The following EPB41L4A variants were observed in gnomAD, a reference collection of about 807,000 sequenced individuals.
The protein encoded by EPB41L4A is band 4.1-like protein 4A.
In EPB41L4A, 100 loss-of-function variants were observed where a neutral mutation model predicts 108.6. The observed-to-expected ratio is 0.92, with a 90% CI of 0.78 to 1.09. EPB41L4A has a LOEUF of 1.09. Ranked by LOEUF, EPB41L4A falls within the 50% of genes least tolerant of loss-of-function variation. The pLI is 0.00. For synonymous variants in EPB41L4A, 319 were observed against 289.0 expected, an observed-to-expected ratio of 1.10 and a Z score of -1.05; for missense variants, 1,030 against 842.7, an observed-to-expected ratio of 1.22 and a Z score of -2.75.
At chr5:112,231,543 T>A (rs1439070088) in intron 12 of EPB41L4A, among the ~76,000 whole-genome samples, 1 of 147,374 alleles carries the variant, frequency 6.8e-6, no homozygotes, top group Non-Finnish European at 1.5e-5. Context: ...CCCAGCACTT[T>A]GGGAGGCCGA....
At chr5:112,348,560 G>A (rs934610810) in intron 1 of EPB41L4A, among the ~76,000 whole-genome samples, 1 of 152,110 alleles carries the variant, frequency 6.6e-6, no homozygotes, top group Non-Finnish European at 1.5e-5. Flanking sequence ...AGGGGAAGGG[G>A]AAACTCACAT....
At position 112,205,416 on chromosome 5, in the gene EPB41L4A, T is replaced by A. The variant is rs375260549; in HGVS notation, c.1262+5A>T. The A allele has an allele frequency of 1.9e-6, 3 of 1,610,966 alleles. No homozygotes were observed. The African/African-American group carries it at 4.0e-5, about 22-fold the overall frequency. On this transcript the variant is annotated splice_donor_5th_base_variant and intron_variant, in intron 14 of 22. Transcript: ENST00000261486. ...CTCCTTTATAAAAACAATGATTCCCTTTACCTCTGGGGGCCATTTTCTTCC... is the reference window on the plus strand; with the variant it reads ...CTCCTTTATAAAAACAATGATTCCCATTACCTCTGGGGGCCATTTTCTTCC...
chr5:112,234,627 G>T lies in EPB41L4A; in HGVS notation c.1087+7C>A. 1 of 1,612,166 alleles carries T rather than the reference G, an allele frequency of 6.2e-7. No homozygotes were observed. Among genetic ancestry groups the T allele is most frequent in the South Asian group, 1.1e-5 (1 of 90,790 alleles). ...TACATAGATAACTCAGGGGAACCAT[G>T]ACTTACCAGCTGGCTGTGTTTGTGC... On this transcript the variant is annotated splice_region_variant and intron_variant, in intron 12 of 22. Transcript: ENST00000261486.
chr5:112,361,498 C>T lies in EPB41L4A; in HGVS notation c.100-54008G>A, dbSNP rs191876259. Among the ~76,000 whole-genome samples the T allele has an allele frequency of 4.4e-4, 64 of 144,456 alleles. No homozygotes were observed. The East Asian group carries it at 0.013, about 29-fold the overall frequency. The allele number at this position is 144,456 out of a possible 152,430, so 94.8% of individuals were successfully genotyped here. The stretch of plus-strand genomic sequence containing the variant: ...CTGCCAAATCCCCCTCTCCGAGAAA[C>T]ACCCAAGAATGATCAATAAATACTT... On this transcript the variant is annotated intron_variant, in intron 1 of 22. Coordinates refer to ENST00000261486, the MANE Select transcript of EPB41L4A (RefSeq NM_022140.5).
intron 1 of EPB41L4A, among the ~76,000 whole-genome samples, chr5:112,322,972 T>A: frequency 8.2e-6 from 1 of 121,678 alleles, no homozygotes. Context: ...TTCAAGAAGA[T>A]ACAATTAGAA....
At chr5:112,358,095 T>C (rs112034470) in intron 1 of EPB41L4A, among the ~76,000 whole-genome samples, 7,218 of 152,264 alleles carry the variant, frequency 0.047, 512 homozygotes, top group African/African-American at 0.16. Context: ...GAGTGCCTGA[T>C]CTCCCAACAG....
chr5:112,168,966 T>C (rs746910564), intron 21 of EPB41L4A, 29 bp downstream of exon 21: 3 of 1,554,108 alleles, frequency 1.9e-6, no homozygotes, highest in Non-Finnish European at 8.9e-7. Context: ...GCCATGATGG[T>C]GATGGTGTAC....
intron 22 of EPB41L4A, among the ~76,000 whole-genome samples, chr5:112,165,608 C>G (rs372403383): frequency 1.3e-5 from 2 of 152,184 alleles, no homozygotes; most frequent in Non-Finnish European, 2.9e-5. Context: ...GTTTGTAAAA[C>G]TTAGGTTTTA....
At chr5:112,193,685 C>G (rs527814382) in intron 17 of EPB41L4A, among the ~76,000 whole-genome samples, 12 of 152,338 alleles carry the variant, frequency 7.9e-5, no homozygotes, top group African/African-American at 2.9e-4. Flanking sequence ...AAACAGGTTT[C>G]TCAACAGTGG....
Position 112,418,942 on chromosome 5 carries a change from T to C in EPB41L4A, c.98A>G (p.Lys33Arg). The C allele has an allele frequency of 1.9e-6, 3 of 1,612,244 alleles. No homozygotes were observed. Among genetic ancestry groups the C allele is most frequent in the South Asian group, 1.1e-5 (1 of 90,962 alleles). ...LTLTTQQQGI[K>R]KSTKGSVVLD... is the part of the protein sequence containing the mutation. ...GAACGCGCTCCGGGCCGCACCCACC[T>C]TGATGCCCTGCTGCTGGGTGGTAAG... Residue 33 changes from lysine to arginine, a missense_variant and splice_region_variant, in exon 1 of 23, where the codon AAG (lysine) becomes AGG (arginine). By Grantham distance (26) the Lys-to-Arg change is conservative. Transcript: ENST00000261486.
At chr5:112,254,673 G>A (rs1057450169) in intron 9 of EPB41L4A, among the ~76,000 whole-genome samples, 1 of 152,052 alleles carries the variant, frequency 6.6e-6, no homozygotes, top group African/African-American at 2.4e-5. Context: ...AGAGGGAATA[G>A]GCAGACATGG....
chr5:112,390,912 G>C (rs951829817), intron 1 of EPB41L4A, among the ~76,000 whole-genome samples: 1 of 152,202 alleles, frequency 6.6e-6, no homozygotes, highest in Non-Finnish European at 1.5e-5. Flanking sequence ...GCCTCTGCTG[G>C]TGATACCCAG....
chr5:112,377,392 T>C (rs184015632), intron 1 of EPB41L4A, among the ~76,000 whole-genome samples: 1 of 152,268 alleles, frequency 6.6e-6, no homozygotes, highest in Non-Finnish European at 1.5e-5. Flanking sequence ...TTTCTTAAAA[T>C]GGCATGTGAA....
intron 1 of EPB41L4A, among the ~76,000 whole-genome samples, chr5:112,319,659 T>C (rs753595544): frequency 1.6e-4 from 25 of 152,246 alleles, no homozygotes; most frequent in Non-Finnish European, 3.1e-4. Context: ...ACCTGGCCTA[T>C]TCTCTTCAAA....
intron 1 of EPB41L4A, among the ~76,000 whole-genome samples, chr5:112,308,062 CTT>C (rs765195389): frequency 6.6e-6 from 1 of 152,128 alleles, no homozygotes; most frequent in Non-Finnish European, 1.5e-5. Context: ...AGACACAAAA[CTT>C]TTCTTTTGGC....
Position 112,296,990 on chromosome 5 carries a change from T to TACAC in EPB41L4A, c.204+10392_204+10395dup, listed in dbSNP as rs10542487. Among the ~76,000 whole-genome samples, 989 of 148,872 alleles carry TACAC rather than the reference T, an allele frequency of 6.6e-3. 7 individuals carry two copies. The highest frequency in any genetic ancestry group is 0.017 in the African/African-American group (682 of 40,650). On this transcript the variant is annotated intron_variant, in intron 2 of 22. Coordinates refer to ENST00000261486, the MANE Select transcript of EPB41L4A (RefSeq NM_022140.5). The stretch of plus-strand genomic sequence containing the variant: ...TCCATCACATACATATATACATACA[T>TACAC]ACACACACACACACACACACACACA...
chr5:112,221,055 T>G (rs1403308564), intron 12 of EPB41L4A, among the ~76,000 whole-genome samples: 1 of 152,204 alleles, frequency 6.6e-6, no homozygotes, highest in African/African-American at 2.4e-5. Context: ...AGTTGTACAC[T>G]TTTCTCTTGT....
At position 112,371,011 on chromosome 5, in the gene EPB41L4A, C is replaced by T. The variant is rs557087672; in HGVS notation, c.99+47930G>A. Reference sequence around the variant, plus strand: ...GAACATGGAAATAACCTCACTCATTCGTGCAATACCTTCTATGCACTAAGC... The same window carrying T: ...GAACATGGAAATAACCTCACTCATTTGTGCAATACCTTCTATGCACTAAGC... On this transcript the variant is annotated intron_variant, in intron 1 of 22. Coordinates refer to ENST00000261486, the MANE Select transcript of EPB41L4A (RefSeq NM_022140.5). 9.2e-5 allele frequency among the ~76,000 whole-genome samples: 14 copies of T among 152,324 alleles called. No individual in the cohort carries two copies. The East Asian group carries it at 9.7e-4, about 11-fold the overall frequency.
At chr5:112,409,976 G>A in intron 1 of EPB41L4A, among the ~76,000 whole-genome samples, 1 of 152,174 alleles carries the variant, frequency 6.6e-6, no homozygotes, top group East Asian at 1.9e-4. Flanking sequence ...AGGTCAAGGT[G>A]AGCAGGAAAG....
Sources: allele counts gnomAD v4.1 joint callset (sites outside exome capture counted in the v4.1 genomes callset), GRCh38; gene constraint gnomAD v4.1.1; transcripts MANE v1.5; gene names NCBI Gene and HGNC (gene_info 2026-07-23, HGNC 2026-07-21).